Variants in SETDB1 observed in about 807,000 individuals in gnomAD.
The protein encoded by SETDB1 is SET domain bifurcated histone lysine methyltransferase 1, also known as histone-lysine N-methyltransferase SETDB1.
A neutral mutation model predicts 137.4 loss-of-function variants in SETDB1; 31 were observed. The observed-to-expected ratio is 0.23, with a 90% confidence interval of 0.17 to 0.30. SETDB1 has a LOEUF of 0.30. SETDB1 is among the 10% of genes least tolerant of loss of function. The pLI, the probability that SETDB1 is intolerant of heterozygous loss-of-function variation, is 1.00. For synonymous variants in SETDB1, 548 were observed against 579.9 expected (o/e 0.95, Z 0.79); for missense variants, 1,113 against 1,631.5 (o/e 0.68, Z 5.47).
At chr1:150,955,518 T>G (rs150310721) in intron 14 of SETDB1, among the ~76,000 whole-genome samples, 1 of 152,326 alleles carries the variant, frequency 6.6e-6, no homozygotes, top group African/African-American at 2.4e-5. Flanking sequence ...TCCTTCCACT[T>G]TTCTTTGTGT....
intron 3 of SETDB1, among the ~76,000 whole-genome samples, chr1:150,933,385 T>TTTTTTTTTTTA (rs1669828234): frequency 5.3e-5 from 8 of 149,832 alleles, no homozygotes; most frequent in South Asian, 2.1e-4. Context: ...TTTTTTTTTT[T>TTTTTTTTTTTA]GAGACAGTCT....
intron 15 of SETDB1, among the ~76,000 whole-genome samples, chr1:150,960,031 C>T (rs933491476): frequency 6.6e-5 from 10 of 151,770 alleles, no homozygotes; most frequent in African/African-American, 2.4e-4. Flanking sequence ...CGAGATCATG[C>T]CACTGCACTC....
chr1:150,949,972 G>A (rs1670447625), intron 12 of SETDB1, among the ~76,000 whole-genome samples: 1 of 152,184 alleles, frequency 6.6e-6, no homozygotes, highest in Non-Finnish European at 1.5e-5. Context: ...GGTGGCTCAT[G>A]CCTGTAATCC....
At chr1:150,939,523 C>G (rs1226126048) in intron 3 of SETDB1, among the ~76,000 whole-genome samples, 1 of 152,060 alleles carries the variant, frequency 6.6e-6, no homozygotes, top group South Asian at 2.1e-4. Context: ...CGGGGTTTCA[C>G]CATGTTGACC....
intron 2 of SETDB1, 107 bp downstream of exon 2, chr1:150,928,081 G>T: frequency 1.5e-6 from 2 of 1,321,412 alleles, no homozygotes; most frequent in Non-Finnish European, 2.1e-6. Flanking sequence ...GTTTTGAGAC[G>T]GAGTCTCGCT....
chr1:150,941,154 A>C (rs1035695280), intron 4 of SETDB1, among the ~76,000 whole-genome samples, 175 bp from the exon 5 acceptor site: 1 of 152,112 alleles, frequency 6.6e-6, no homozygotes, highest in African/African-American at 2.4e-5. Flanking sequence ...CAATAGCTAA[A>C]CTCCATATCA....
chr1:150,931,275 AAAAAAAG>A (rs1345115986), intron 3 of SETDB1, among the ~76,000 whole-genome samples: 59 of 148,996 alleles, frequency 4.0e-4, no homozygotes, highest in African/African-American at 1.2e-3. Flanking sequence ...AAAAAAAAAA[AAAAAAAG>A]GGTTTCCAGA....
intron 4 of SETDB1, among the ~76,000 whole-genome samples, chr1:150,941,046 C>T (rs587664572): frequency 6.6e-6 from 1 of 151,706 alleles, no homozygotes; most frequent in African/African-American, 2.4e-5. Flanking sequence ...GCTTGTAATT[C>T]CAGCTACTCC....
rs747773575 is a variant in SETDB1 at position 150,964,372 on chromosome 1, CCTT to C, written c.*13_*15del. Reference sequence around the variant, plus strand: ...AGAGGACGTCTTCTTTAGAGGACAGCCTTCTTCCCAACCCTTCTTGAACTGTCG... The same window carrying C: ...AGAGGACGTCTTCTTTAGAGGACAGCCTTCCCAACCCTTCTTGAACTGTCG... On this transcript the variant is annotated 3_prime_UTR_variant, in exon 22 of 22. Transcript: ENST00000692827. The C allele has an allele frequency of 6.3e-7, 1 of 1,590,522 alleles. No individual in the cohort carries two copies. The highest frequency in any genetic ancestry group is 8.6e-7 in the Non-Finnish European group (1 of 1,158,824).
At chr1:150,946,159 A>C (rs1039549326) in intron 9 of SETDB1, among the ~76,000 whole-genome samples, 1 of 151,892 alleles carries the variant, frequency 6.6e-6, no homozygotes, top group African/African-American at 2.4e-5. Flanking sequence ...AGCTGTGACT[A>C]CAAGTGCATG....
chr1:150,949,127 G>C lies in SETDB1; in HGVS notation c.1273G>C (p.Val425Leu). The C allele has an allele frequency of 1.2e-6, 2 of 1,613,584 alleles. No homozygotes were observed. The highest frequency in any genetic ancestry group is 2.7e-5 in the African/African-American group (2 of 74,984). Residue 425 changes from valine (V) to leucine (L), a missense_variant, in exon 11 of 22, where the codon GTG becomes CTG. Transcript: ENST00000692827. ...QLRTRPNMGA[V>L]RSKGPVVQYT... ...CAATTTCCTTTTTCCTATAGGTGCT[G>C]TGAGGAGCAAAGGCCCTGTTGTCCA...
chr1:150,951,295 A>G, intron 13 of SETDB1, 70 bp from the exon 14 acceptor site: 1 of 1,214,084 alleles, frequency 8.2e-7, no homozygotes, highest in Non-Finnish European at 1.2e-6. Flanking sequence ...AACCTTGGGT[A>G]CATGTGTATT....
Position 150,963,737 on chromosome 1 carries a change from T to A in SETDB1, c.3668T>A (p.Leu1223His), listed in dbSNP as rs1670897924. The part of the protein sequence containing the change: ...AKLEGNLGRY[L>H]NHSCSPNLFV... The stretch of plus-strand genomic sequence containing the variant: ...CTTGAAGGCAACCTGGGCCGCTACC[T>A]CAACGTGAGACCCCTCTCCCCACCT... Residue 1223 changes from leucine to histidine, a missense_variant, in exon 20 of 22, where the codon CTC (leucine) becomes CAC (histidine). Physicochemically the swap from Leu to His is moderately conservative, Grantham distance 99 (BLOSUM62 -3). Coordinates refer to ENST00000692827, the MANE Select transcript of SETDB1 (RefSeq NM_001366418.1). The A allele has an allele frequency of 6.2e-7, 1 of 1,613,814 alleles. No homozygotes were observed. The highest frequency in any genetic ancestry group is 8.5e-7 in the Non-Finnish European group (1 of 1,179,862).
intron 3 of SETDB1, among the ~76,000 whole-genome samples, chr1:150,938,372 G>A (rs1448903274): frequency 1.3e-5 from 2 of 152,132 alleles, no homozygotes; most frequent in African/African-American, 2.4e-5. Context: ...GCCAGAGTTT[G>A]GGGGAGGGAG....
intron 2 of SETDB1, among the ~76,000 whole-genome samples, chr1:150,928,983 C>T (rs1477398620): frequency 1.3e-5 from 2 of 151,684 alleles, no homozygotes; most frequent in South Asian, 2.1e-4. Flanking sequence ...TTTCTTAATC[C>T]AGTCTATCAT....
At chr1:150,960,125 T>G (rs1172063690) in intron 15 of SETDB1, among the ~76,000 whole-genome samples, 1 of 151,444 alleles carries the variant, frequency 6.6e-6, no homozygotes, top group African/African-American at 2.4e-5. Flanking sequence ...TGGAGGCTTT[T>G]TGACTCTATA....
chr1:150,943,020 T>C lies in SETDB1; in HGVS notation c.842T>C (p.Val281Ala). ...GNQVWLYAGIVAETPNVKNKL... is the reference protein window; with the variant it reads ...GNQVWLYAGIAAETPNVKNKL... ...CAGGTCTGGCTCTATGCTGGCATTG[T>C]AGCTGAGACACCAAACGTCAAAAAC... The change falls in exon 7 of 22, where the codon GTA becomes GCA. Residue 281 changes from valine to alanine, a missense_variant. Val to Ala is a moderately conservative substitution (Grantham distance 64). Around this residue, in one of 11 missense-constraint regions of SETDB1, gnomAD observed 154 missense variants for 303.1 expected, o/e 0.51. Transcript: ENST00000692827. 1 of 1,614,084 alleles carries C rather than the reference T, an allele frequency of 6.2e-7. No individual in the cohort carries two copies. Among genetic ancestry groups the C allele is most frequent in the South Asian group, 1.1e-5 (1 of 91,082 alleles).
At chr1:150,933,211 C>T (rs751340048) in intron 3 of SETDB1, among the ~76,000 whole-genome samples, 9 of 151,878 alleles carry the variant, frequency 5.9e-5, no homozygotes, top group African/African-American at 1.2e-4. Flanking sequence ...AAGTACATGC[C>T]GCCACGCCCA....
chr1:150,944,948 T>C lies in SETDB1; in HGVS notation c.980T>C (p.Ile327Thr). 6.2e-7 allele frequency: 1 copy of C among 1,614,046 alleles called. No homozygotes were observed. The highest frequency in any genetic ancestry group is 8.5e-7 in the Non-Finnish European group (1 of 1,180,000). The stretch of plus-strand genomic sequence containing the variant: ...AAGACTTGGGAGGACATAGAAGACA[T>C]CTCCTGCCGTGACTTCATAGAGGAG... ...LKKTWEDIEDISCRDFIEEYV... is the reference protein window; with the variant it reads ...LKKTWEDIEDTSCRDFIEEYV... The change falls in exon 9 of 22, where the codon ATC becomes ACC. Residue 327 changes from isoleucine to threonine, a missense_variant. Coordinates refer to ENST00000692827, the MANE Select transcript of SETDB1 (RefSeq NM_001366418.1).
Sources: allele counts gnomAD v4.1 joint callset (sites outside exome capture counted in the v4.1 genomes callset), GRCh38; gene constraint gnomAD v4.1.1; regional missense constraint gnomAD v4.1.1; transcripts MANE v1.5; gene names NCBI Gene and HGNC (gene_info 2026-07-23, HGNC 2026-07-21).